BDP1: variants seen among roughly 807,000 people sequenced by gnomAD.
The protein encoded by BDP1 is BDP1 general transcription factor IIIB subunit, also known as transcription factor TFIIIB component B'' homolog.
Under a neutral mutation model 266.6 loss-of-function variants are expected in BDP1, and 169 were observed. The ratio of observed to expected loss-of-function variants is 0.63; its 90% CI spans 0.56 to 0.72. BDP1 has a LOEUF of 0.72. Ranked by LOEUF, BDP1 falls within the 30% of genes least tolerant of loss-of-function variation. The pLI, the probability that BDP1 is intolerant of heterozygous loss-of-function variation, is 0.00. For missense variants in BDP1, 3,015 were observed against 3,053.8 expected (o/e 0.99, Z 0.30); for synonymous variants, 1,090 against 1,022.4 (o/e 1.07, Z -1.26).
chr5:71,533,259 A>C (rs1766365680), intron 26 of BDP1, among the ~76,000 whole-genome samples: 1 of 152,180 alleles, frequency 6.6e-6, no homozygotes, highest in Admixed American at 6.5e-5. Context: ...GTGTTTGTGT[A>C]CAATATGTTT....
At chr5:71,525,702 C>T (rs1765813608) in intron 25 of BDP1, among the ~76,000 whole-genome samples, 1 of 147,580 alleles carries the variant, frequency 6.8e-6, no homozygotes, top group Non-Finnish European at 1.5e-5. Flanking sequence ...CCCCCACCTC[C>T]CTTCCGGACG....
At position 71,489,550 on chromosome 5, in the gene BDP1, G is replaced by A. The variant is rs766048278; in HGVS notation, c.1360G>A (p.Ala454Thr). The A allele has an allele frequency of 6.9e-5, 111 of 1,613,998 alleles. No individual in the cohort carries two copies. Among genetic ancestry groups the A allele is most frequent in the Non-Finnish European group, 9.2e-5 (109 of 1,180,004 alleles). ...ATCAAGGGAGGATGCAGAGCAGGTTGCATTAGAAGTAGACCTAAATCAAAA... is the reference window on the plus strand; with the variant it reads ...ATCAAGGGAGGATGCAGAGCAGGTTACATTAGAAGTAGACCTAAATCAAAA... ...TLSREDAEQV[A>T]LEVDLNQKKR... Residue 454 changes from alanine to threonine, a missense_variant, in exon 10 of 39, where the codon GCA becomes ACA. This residue lies in a region of BDP1 where 2,383 missense variants were observed against 2,404.9 expected (regional missense o/e 0.99). Coordinates refer to ENST00000358731, the MANE Select transcript of BDP1 (RefSeq NM_018429.3).
In BDP1 at chr5:71,524,378, G is replaced by A. The variant is rs1195356592; in HGVS notation, c.5772+55G>A. On this transcript the variant is annotated intron_variant, in intron 25 of 38. Coordinates refer to ENST00000358731, the MANE Select transcript of BDP1 (RefSeq NM_018429.3). ...TTATCTTACTTGGTTTTCACCTCTTGTTTCTTTTAGGGGATCATTATTTCT... is the reference window on the plus strand; with the variant it reads ...TTATCTTACTTGGTTTTCACCTCTTATTTCTTTTAGGGGATCATTATTTCT... 4 of 1,473,586 alleles carry A rather than the reference G, an allele frequency of 2.7e-6. No homozygotes were observed. The Admixed American group carries it at 6.6e-5, about 24-fold the overall frequency. The allele number at this position is 1,473,586 out of a possible 1,614,324, so 91.3% of individuals were successfully genotyped here.
chr5:71,552,235 G>C (rs887483427), intron 34 of BDP1, among the ~76,000 whole-genome samples: 1 of 151,472 alleles, frequency 6.6e-6, no homozygotes, highest in African/African-American at 2.4e-5. Context: ...CGGCGGGGCA[G>C]AGGCGCCCCC....
intron 9 of BDP1, among the ~76,000 whole-genome samples, chr5:71,487,135 A>G (rs937025791): frequency 1.3e-5 from 2 of 152,216 alleles, no homozygotes; most frequent in African/African-American, 2.4e-5. Flanking sequence ...ACTCTGGTCT[A>G]TAAGGACAAT....
At chr5:71,552,709 A>G (rs1412852136) in intron 34 of BDP1, among the ~76,000 whole-genome samples, 1 of 152,266 alleles carries the variant, frequency 6.6e-6, no homozygotes, top group African/African-American at 2.4e-5. Flanking sequence ...AATCGCAGGC[A>G]CTCGGCAGGC....
intron 12 of BDP1, among the ~76,000 whole-genome samples, chr5:71,496,863 G>A (rs1178519481): frequency 1.3e-5 from 2 of 152,198 alleles, no homozygotes; most frequent in Non-Finnish European, 2.9e-5. Context: ...GATTATAGGC[G>A]TGAGCCACTG....
chr5:71,542,088 C>A lies in BDP1; in HGVS notation c.6252-17C>A. 6.3e-7 allele frequency: 1 copy of A among 1,587,644 alleles called. No homozygotes were observed. Among genetic ancestry groups the A allele is most frequent in the Non-Finnish European group, 8.6e-7 (1 of 1,164,034 alleles). ...GATCTAACATGATTCATGAATTTCT[C>A]TATCTTCTGTTTTTAGGAATACAAT... is the stretch of plus-strand genomic sequence containing the variant. On this transcript the variant is annotated splice_polypyrimidine_tract_variant and intron_variant, in intron 29 of 38. Transcript: ENST00000358731.
At chr5:71,482,398 C>T (rs1411399293) in intron 7 of BDP1, among the ~76,000 whole-genome samples, 1 of 152,188 alleles carries the variant, frequency 6.6e-6, no homozygotes, top group East Asian at 1.9e-4. Context: ...CTTGCTCTCA[C>T]TATTGTCCTT....
intron 8 of BDP1, among the ~76,000 whole-genome samples, chr5:71,485,878 C>T (rs1296011440): frequency 6.6e-6 from 1 of 152,180 alleles, no homozygotes. Flanking sequence ...TATATTTATA[C>T]ACAGCTCAAA....
In BDP1 at chr5:71,456,080, C is replaced by T; in HGVS notation, c.203C>T (p.Pro68Leu). The change falls in exon 1 of 39, where the codon CCT becomes CTT. Residue 68 changes from proline (P) to leucine (L), a missense_variant. Transcript: ENST00000358731. ...FGGAEPQEKA[P>L]RSSTEKTGGD... Reference sequence around the variant, plus strand: ...GGAGCGGAGCCCCAAGAAAAGGCTCCTAGGAGCAGGTAAGAGGTTGCAGAG... The same window carrying T: ...GGAGCGGAGCCCCAAGAAAAGGCTCTTAGGAGCAGGTAAGAGGTTGCAGAG... The T allele has an allele frequency of 3.1e-6, 5 of 1,612,950 alleles. No individual in the cohort carries two copies. The highest frequency in any genetic ancestry group is 4.2e-6 in the Non-Finnish European group (5 of 1,179,932).
intron 36 of BDP1, among the ~76,000 whole-genome samples, chr5:71,559,743 T>C (rs1743493825): frequency 6.6e-6 from 1 of 152,216 alleles, no homozygotes. Context: ...GAAAATATTT[T>C]CTAGGCCAAA....
At chr5:71,467,289 C>T in intron 5 of BDP1, 65 bp from the exon 6 acceptor site, 1 of 1,304,296 alleles carries the variant, frequency 7.7e-7, no homozygotes. Context: ...TAACTATTTA[C>T]ATCTCATTTG....
At chr5:71,513,162 C>G in intron 18 of BDP1, 23 bp from the exon 19 acceptor site, 2 of 1,578,754 alleles carry the variant, frequency 1.3e-6, no homozygotes, top group Non-Finnish European at 1.7e-6. Context: ...CATTCTAAAG[C>G]TTGATAATCC....
At chr5:71,530,573 C>T (rs1472308282) in intron 25 of BDP1, among the ~76,000 whole-genome samples, 1 of 151,502 alleles carries the variant, frequency 6.6e-6, no homozygotes, top group African/African-American at 2.4e-5. Context: ...TTTTTGGAGA[C>T]AAGATCTTGC....
chr5:71,558,478 C>T (rs895399483), intron 36 of BDP1, among the ~76,000 whole-genome samples: 4 of 151,844 alleles, frequency 2.6e-5, no homozygotes, highest in African/African-American at 7.3e-5. Context: ...GCTGAGATCA[C>T]GCCATTGCAC....
chr5:71,513,789 G>A lies in BDP1; in HGVS notation c.4470+382G>A, dbSNP rs559116125. On this transcript the variant is annotated intron_variant, in intron 19 of 38. Coordinates refer to ENST00000358731, the MANE Select transcript of BDP1 (RefSeq NM_018429.3). ...GGCTGGAGTGCAGTGGCGCGATCTC[G>A]GCTCACTGCAACTTCCACCTCCCAG... 2.7e-4 allele frequency among the ~76,000 whole-genome samples: 41 copies of A among 151,744 alleles called. 1 individual carries two copies. The highest frequency in any genetic ancestry group is 6.8e-3 in the Middle Eastern group (2 of 294).
rs551507153 is a variant in BDP1, at chr5:71,516,206, G to A, written c.4795G>A (p.Gly1599Ser). 1 of 1,613,358 alleles carries A rather than the reference G, an allele frequency of 6.2e-7. No individual in the cohort carries two copies. Among genetic ancestry groups the A allele is most frequent in the Admixed American group, 1.7e-5 (1 of 59,956 alleles). ...AATAGTAGACAAAGGTGAAGCCAAAGGCATAATTAAGGAAGGAAGAACGAT... is the reference window on the plus strand; with the variant it reads ...AATAGTAGACAAAGGTGAAGCCAAAAGCATAATTAAGGAAGGAAGAACGAT... ...RQIVDKGEAK[G>S]IIKEGRTILP... Residue 1599 changes from glycine to serine, a missense_variant, in exon 21 of 39, where the codon GGC (glycine) becomes AGC (serine). Gly to Ser is a moderately conservative substitution (Grantham distance 56). This residue lies in a region of BDP1 where 2,383 missense variants were observed against 2,404.9 expected (regional missense o/e 0.99). Transcript: ENST00000358731.
chr5:71,517,418 A>G lies in BDP1; in HGVS notation c.4957A>G (p.Asn1653Asp), dbSNP rs1308547558. The G allele has an allele frequency of 5.0e-6, 8 of 1,600,750 alleles. No homozygotes were observed. In the South Asian group the frequency reaches 9.1e-5, roughly 18 times the overall value. ...ENQSQVVLVE[N>D]LHVNKTNETI... is the part of the protein sequence containing the mutation. ...TCAAAGTCAGGTGGTTCTTGTAGAA[A>G]ACCTTCATGTTAACAAAACAAATGA... The change falls in exon 22 of 39, where the codon AAC becomes GAC. Residue 1653 changes from asparagine to aspartate, a missense_variant. Transcript: ENST00000358731.
Sources: allele counts gnomAD v4.1 joint callset (sites outside exome capture counted in the v4.1 genomes callset), GRCh38; gene constraint gnomAD v4.1.1; regional missense constraint gnomAD v4.1.1; transcripts MANE v1.5; gene names NCBI Gene and HGNC (gene_info 2026-07-23, HGNC 2026-07-21).